NRXN3: variants seen among roughly 807,000 people sequenced by gnomAD.
The protein encoded by NRXN3 is neurexin 3, also known as neurexin III.
NRXN3 carries 32 observed loss-of-function variants against 137.6 expected under a neutral mutation model. The observed-to-expected ratio is 0.23, with a 90% CI of 0.18 to 0.31. The LOEUF (loss-of-function observed/expected upper bound fraction) is 0.31. Ranked by LOEUF, NRXN3 falls within the 10% of genes least tolerant of loss-of-function variation. The probability of loss-of-function intolerance (pLI) is 1.00; values close to 1 mark genes in which losing one functional copy is unlikely to be tolerated. For missense variants in NRXN3, 1,574 were observed against 2,062.5 expected, an observed-to-expected ratio of 0.76 and a Z score of 4.59; for synonymous variants, 798 against 784.5, an observed-to-expected ratio of 1.02 and a Z score of -0.29.
At chr14:79,364,623 CATA>C (rs1179575006) in intron 15 of NRXN3, among the ~76,000 whole-genome samples, 3 of 151,956 alleles carry the variant, frequency 2.0e-5, no homozygotes, top group Non-Finnish European at 4.4e-5. Flanking sequence ...TTTGCAAGTA[CATA>C]ATAATAATAC....
intron 15 of NRXN3, among the ~76,000 whole-genome samples, chr14:78,996,695 CA>C (rs1204093460): frequency 6.6e-6 from 1 of 152,090 alleles, no homozygotes; most frequent in Admixed American, 6.6e-5. Context: ...TACATCTAAG[CA>C]GGGAGGAGGC....
intron 15 of NRXN3, among the ~76,000 whole-genome samples, chr14:79,430,003 GT>G (rs147769780): frequency 2.6e-5 from 4 of 151,688 alleles, no homozygotes; most frequent in Non-Finnish European, 4.4e-5. Flanking sequence ...TCAAAATTAA[GT>G]TTTTTCCATC....
chr14:79,676,918 T>C (rs1244886821), intron 17 of NRXN3, among the ~76,000 whole-genome samples: 1 of 152,052 alleles, frequency 6.6e-6, no homozygotes, highest in Non-Finnish European at 1.5e-5. Flanking sequence ...GTTTTCTTAA[T>C]CCTCTTTTAA....
chr14:78,189,791 G>A (rs772912067), intron 1 of NRXN3, among the ~76,000 whole-genome samples: 1 of 152,102 alleles, frequency 6.6e-6, no homozygotes, highest in Non-Finnish European at 1.5e-5. Flanking sequence ...TCACCATGTT[G>A]GTGAGGCTGG....
chr14:79,828,577 G>A (rs12590855), intron 20 of NRXN3, among the ~76,000 whole-genome samples: 35,365 of 137,664 alleles, frequency 0.26, 4,659 homozygotes, highest in East Asian at 0.56. Context: ...CCGAGATCAC[G>A]CTCTGCACTC....
At chr14:78,932,798 A>G (rs1243069188) in intron 10 of NRXN3, among the ~76,000 whole-genome samples, 1 of 152,124 alleles carries the variant, frequency 6.6e-6, no homozygotes, top group Non-Finnish European at 1.5e-5. Flanking sequence ...ATATCCTTCC[A>G]CCTTTATATA....
intron 16 of NRXN3, among the ~76,000 whole-genome samples, chr14:79,614,306 C>T (rs1191854745): frequency 6.6e-6 from 1 of 152,140 alleles, no homozygotes; most frequent in East Asian, 1.9e-4. Flanking sequence ...TTACTGTTCA[C>T]TTATTTATCA....
intron 10 of NRXN3, among the ~76,000 whole-genome samples, chr14:78,926,659 T>A (rs1167479974): frequency 7.6e-5 from 6 of 78,904 alleles, no homozygotes; most frequent in Admixed American, 6.9e-4. Flanking sequence ...ATATATATAT[T>A]TATTATATAT....
At chr14:78,709,196 C>A in intron 6 of NRXN3, 21 bp from the exon 7 acceptor site, 1 of 1,593,484 alleles carries the variant, frequency 6.3e-7, no homozygotes, top group Non-Finnish European at 8.5e-7. Context: ...TCACATGGCA[C>A]TTTTGTTTGG....
intron 19 of NRXN3, among the ~76,000 whole-genome samples, chr14:79,710,363 T>C (rs540266019): frequency 2.1e-4 from 32 of 152,296 alleles, no homozygotes; most frequent in African/African-American, 7.7e-4. Context: ...AAAAAAATAA[T>C]AAAAATCTAT....
intron 16 of NRXN3, among the ~76,000 whole-genome samples, chr14:79,640,729 T>C (rs1248813564): frequency 7.4e-6 from 1 of 136,042 alleles, no homozygotes; most frequent in African/African-American, 2.4e-5. Flanking sequence ...GAAAGCTTGC[T>C]GGTGACTTTT....
chr14:78,553,861 T>C (rs1280356136), intron 4 of NRXN3, among the ~76,000 whole-genome samples: 2 of 152,178 alleles, frequency 1.3e-5, no homozygotes, highest in Admixed American at 6.5e-5. Context: ...CTTGTTTAAC[T>C]CTCTCTACCA....
chr14:79,290,718 G>T (rs550301310), intron 15 of NRXN3, among the ~76,000 whole-genome samples: 3 of 151,160 alleles, frequency 2.0e-5, no homozygotes, highest in African/African-American at 7.3e-5. Context: ...TTAAAAATGC[G>T]TCTATGGGTC....
At chr14:78,613,094 G>C (rs1030799290) in intron 4 of NRXN3, among the ~76,000 whole-genome samples, 5 of 152,086 alleles carry the variant, frequency 3.3e-5, no homozygotes, top group African/African-American at 9.7e-5. Flanking sequence ...TTGACCAAAG[G>C]CCTGCCTTGC....
chr14:79,050,743 C>G, intron 15 of NRXN3, among the ~76,000 whole-genome samples: 1 of 152,204 alleles, frequency 6.6e-6, no homozygotes, highest in East Asian at 1.9e-4. Context: ...CCCAGCTCCC[C>G]TGACTGCCGG....
At chr14:78,492,126 A>G (rs1245642459) in intron 4 of NRXN3, among the ~76,000 whole-genome samples, 1 of 152,202 alleles carries the variant, frequency 6.6e-6, no homozygotes, top group Non-Finnish European at 1.5e-5. Flanking sequence ...AAACAAAATA[A>G]TAGATATGAC....
intron 4 of NRXN3, among the ~76,000 whole-genome samples, chr14:78,359,516 A>C (rs553536365): frequency 6.6e-6 from 1 of 152,312 alleles, no homozygotes; most frequent in South Asian, 2.1e-4. Flanking sequence ...TGAGTCCTGT[A>C]CATTATGAAG....
At chr14:79,685,965 A>C (rs111805874) in intron 17 of NRXN3, among the ~76,000 whole-genome samples, 2 of 152,298 alleles carry the variant, frequency 1.3e-5, no homozygotes, top group African/African-American at 4.8e-5. Flanking sequence ...CATCTCCGGC[A>C]TGGTTCCATT....
At chr14:78,316,846 G>A (rs2078763573) in intron 4 of NRXN3, among the ~76,000 whole-genome samples, 1 of 152,174 alleles carries the variant, frequency 6.6e-6, no homozygotes, top group Non-Finnish European at 1.5e-5. Context: ...GGCAGCTCCT[G>A]CCCATGTGAT....
Sources: allele counts gnomAD v4.1 joint callset (sites outside exome capture counted in the v4.1 genomes callset), GRCh38; gene constraint gnomAD v4.1.1; transcripts MANE v1.5; gene names NCBI Gene and HGNC (gene_info 2026-07-23, HGNC 2026-07-21).